The following SLC26A5 variants were observed in gnomAD, a reference collection of about 807,000 sequenced individuals.
SLC26A5 encodes the protein solute carrier family 26 member 5, also known as prestin.
SLC26A5 carries 51 observed loss-of-function variants against 81.0 expected under a neutral mutation model. The observed-to-expected ratio is 0.63, with a 90% confidence interval of 0.50 to 0.80. The LOEUF is 0.80. Ranked by LOEUF, SLC26A5 falls within the 30% of genes least tolerant of loss-of-function variation. The pLI is 0.00. For missense variants in SLC26A5, 771 were observed against 905.8 expected, an observed-to-expected ratio of 0.85 and a Z score of 1.91; for synonymous variants, 325 against 332.8, an observed-to-expected ratio of 0.98 and a Z score of 0.25.
At chr7:103,415,600 T>A (rs555329948) in intron 4 of SLC26A5, among the ~76,000 whole-genome samples, 39 of 152,332 alleles carry the variant, frequency 2.6e-4, no homozygotes, top group African/African-American at 8.7e-4. Flanking sequence ...TGGCATCAGG[T>A]TGAGAAAACT....
intron 19 of SLC26A5, among the ~76,000 whole-genome samples, chr7:103,355,316 G>A (rs1453863436): frequency 6.6e-6 from 1 of 152,166 alleles, no homozygotes; most frequent in African/African-American, 2.4e-5. Flanking sequence ...TTTTTGGGGG[G>A]AACTTGAATG....
At chr7:103,362,633 G>T (rs1820475638) in intron 19 of SLC26A5, 1 of 1,523,096 alleles carries the variant, frequency 6.6e-7, no homozygotes. Flanking sequence ...AAACATAAAA[G>T]CACTTTGAAA....
chr7:103,419,264 A>G (rs139592662), intron 4 of SLC26A5, among the ~76,000 whole-genome samples: 25 of 152,284 alleles, frequency 1.6e-4, no homozygotes, highest in African/African-American at 6.0e-4. Context: ...GAAAACCTAA[A>G]TAAAAAGTAA....
chr7:103,416,985 C>A (rs1019410636), intron 4 of SLC26A5, among the ~76,000 whole-genome samples: 2 of 152,040 alleles, frequency 1.3e-5, no homozygotes, highest in African/African-American at 4.8e-5. Flanking sequence ...TAATAATGAG[C>A]AGAAAAATAC....
At position 103,367,342 on chromosome 7, in the gene SLC26A5, T is replaced by G; in HGVS notation, c.2041+9466A>C. 6.9e-7 allele frequency: 1 copy of G among 1,453,686 alleles called. No homozygotes were observed. Among genetic ancestry groups the G allele is most frequent in the Non-Finnish European group, 9.6e-7 (1 of 1,043,202 alleles). 90.0% of individuals were successfully genotyped at this position (1,453,686 alleles called of 1,614,324 possible). A position where few individuals can be genotyped will look rare whatever the true frequency, so the allele number is the denominator to read the frequency against. On this transcript the variant is annotated intron_variant, in intron 19 of 19. Transcript: ENST00000339444. This position sits in a 1 kb window ranked among gnomAD's most constrained non-coding sequence, Gnocchi z 6.1. ...ACATGATTTGAGCTGAGATTTTTGG[T>G]ACTTTCAGGTCATGCATAGTGCTAC... is the stretch of plus-strand genomic sequence containing the variant.
intron 19 of SLC26A5, among the ~76,000 whole-genome samples, chr7:103,359,058 G>A (rs577319984): frequency 9.0e-5 from 13 of 144,934 alleles, no homozygotes; most frequent in South Asian, 2.2e-4. Context: ...ATCTCAGCTC[G>A]CTGCAGCCTC....
intron 12 of SLC26A5, 21 bp from the exon 13 acceptor site, chr7:103,389,445 C>T: frequency 5.8e-6 from 9 of 1,561,300 alleles, no homozygotes; most frequent in Non-Finnish European, 8.0e-6. Context: ...GCACATCCCC[C>T]ATGCCTCTCC....
intron 11 of SLC26A5, among the ~76,000 whole-genome samples, chr7:103,391,015 G>A (rs1431590576): frequency 1.3e-5 from 2 of 151,988 alleles, no homozygotes; most frequent in African/African-American, 2.4e-5. Flanking sequence ...ACAGGCATCC[G>A]CCACCATGCC....
At chr7:103,403,695 C>CTTTTTT (rs561652280) in intron 8 of SLC26A5, among the ~76,000 whole-genome samples, 1 of 128,582 alleles carries the variant, frequency 7.8e-6, no homozygotes, top group African/African-American at 2.9e-5. Context: ...CAATCCCCTG[C>CTTTTTT]TTTTTTTTTT....
chr7:103,425,962 T>C (rs564068233), intron 2 of SLC26A5, among the ~76,000 whole-genome samples: 3 of 152,148 alleles, frequency 2.0e-5, no homozygotes, highest in Non-Finnish European at 4.4e-5. Context: ...ACATAGGAGA[T>C]GGCAAAACAA....
intron 2 of SLC26A5, among the ~76,000 whole-genome samples, chr7:103,439,031 C>A (rs1289530205): frequency 1.3e-5 from 2 of 152,178 alleles, no homozygotes; most frequent in African/African-American, 4.8e-5. Context: ...GTCTGGTCTG[C>A]AGTATAAACT....
In SLC26A5 at chr7:103,416,020, C is replaced by A. The variant is rs900112853; in HGVS notation, c.293-2908G>T. Among the ~76,000 whole-genome samples, 4 of 152,160 alleles carry A rather than the reference C, an allele frequency of 2.6e-5. No homozygotes were observed. The East Asian group carries it at 7.7e-4, about 29-fold the overall frequency. Reference sequence around the variant, plus strand: ...AGATTTCCTCTACTTTATCTTCCAACCCTGACTAAATATTTATTCCAGCTA... The same window carrying A: ...AGATTTCCTCTACTTTATCTTCCAAACCTGACTAAATATTTATTCCAGCTA... On this transcript the variant is annotated intron_variant, in intron 4 of 19. Coordinates refer to ENST00000306312, the MANE Select transcript of SLC26A5 (RefSeq NM_198999.3).
chr7:103,352,845 AC>A, exon 20 of SLC26A5: 1 of 780,780 alleles, frequency 1.3e-6, no homozygotes, highest in South Asian at 1.3e-5. Context: ...AACCCTGTCC[AC>A]CTGGCCCCAA....
chr7:103,424,730 C>T (rs1451176025), intron 2 of SLC26A5, among the ~76,000 whole-genome samples: 2 of 152,110 alleles, frequency 1.3e-5, no homozygotes, highest in Admixed American at 6.5e-5. Flanking sequence ...CAGGAGTTTG[C>T]TCAGCTGTCA....
At chr7:103,395,496 T>C (rs1823020190) in intron 9 of SLC26A5, among the ~76,000 whole-genome samples, 1 of 41,424 alleles carries the variant, frequency 2.4e-5, no homozygotes, top group Non-Finnish European at 6.4e-5. Flanking sequence ...CGCATATATA[T>C]GTATGTATAT....
chr7:103,360,655 T>C (rs1820330564), intron 19 of SLC26A5, among the ~76,000 whole-genome samples: 1 of 152,250 alleles, frequency 6.6e-6, no homozygotes, highest in Non-Finnish European at 1.5e-5. Context: ...GTGGCTTATG[T>C]AGCAGCTTTC....
At chr7:103,400,484 C>T (rs6465918) in intron 8 of SLC26A5, among the ~76,000 whole-genome samples, 100,719 of 151,404 alleles carry the variant, frequency 0.67, 36,878 homozygotes, top group Middle Eastern at 0.83. Flanking sequence ...GTCAGATGGA[C>T]AGATTGCAAA....
At chr7:103,372,298 C>T (rs1216958519), downstream of SLC26A5, among the ~76,000 whole-genome samples, 2 of 152,118 alleles carry the variant, frequency 1.3e-5, no homozygotes, top group African/African-American at 2.4e-5. Flanking sequence ...ACACATACAC[C>T]ACAGGCTTTG....
chr7:103,371,237 T>C (rs770465424), downstream of SLC26A5, among the ~76,000 whole-genome samples: 2 of 152,158 alleles, frequency 1.3e-5, no homozygotes, highest in East Asian at 1.9e-4. Context: ...GCTTTTAATA[T>C]ACATAACAAT....
Sources: allele counts gnomAD v4.1 joint callset (sites outside exome capture counted in the v4.1 genomes callset), GRCh38; gene constraint gnomAD v4.1.1; non-coding constraint Gnocchi (gnomAD v3.1); transcripts MANE v1.5; gene names NCBI Gene and HGNC (gene_info 2026-07-23, HGNC 2026-07-21).